Variants in TOGARAM2 observed in about 807,000 individuals in gnomAD.
The protein encoded by TOGARAM2 is TOG array regulator of axonemal microtubules 2.
A neutral mutation model predicts 93.3 loss-of-function variants in TOGARAM2; 85 were observed. The ratio of observed to expected loss-of-function variants is 0.91; its 90% CI spans 0.76 to 1.09. The LOEUF is 1.09. Among genes scored for constraint, TOGARAM2 ranks in the 50% least tolerant of loss-of-function variants. The pLI is 0.00. For synonymous variants in TOGARAM2, 593 were observed against 552.8 expected (o/e 1.07, Z -1.02); for missense variants, 1,277 against 1,334.5 (o/e 0.96, Z 0.67).
In TOGARAM2 at chr2:29,036,960, G is replaced by A. The variant is rs543916494; in HGVS notation, c.2635+203G>A. Among the ~76,000 whole-genome samples, 3 of 152,232 alleles carry A rather than the reference G, an allele frequency of 2.0e-5. No homozygotes were observed. The East Asian group carries it at 5.8e-4, about 29-fold the overall frequency. ...GTCACAGCCACCCACACCTCTGGAC[G>A]GCTGGAAGTGGAGGTGATGTGGAGA... On this transcript the variant is annotated intron_variant, in intron 18 of 19. Transcript: ENST00000379558.
chr2:29,036,283 T>C (rs767978322), intron 17 of TOGARAM2, among the ~76,000 whole-genome samples: 1 of 152,164 alleles, frequency 6.6e-6, no homozygotes, highest in Non-Finnish European at 1.5e-5. Context: ...TCAGTAAAAA[T>C]GATTGCACAG....
rs986731001 is a variant in TOGARAM2, at chr2:29,005,413, G to A, written c.830+1731G>A. Among the ~76,000 whole-genome samples the A allele has an allele frequency of 1.5e-3, 16 of 10,430 alleles. No homozygotes were observed. The Admixed American group carries it at 0.016, about 11-fold the overall frequency. 6.8% of individuals were successfully genotyped at this position (10,430 alleles called of 152,430 possible). A position where few individuals can be genotyped will look rare whatever the true frequency, so the allele number is the denominator to read the frequency against. On this transcript the variant is annotated intron_variant, in intron 6 of 19. Coordinates refer to ENST00000379558, the MANE Select transcript of TOGARAM2 (RefSeq NM_199280.4). ...GCATGTATGTGGAGTGTGTGTGTGC[G>A]TGTGTGAGAGCATGCATGTGCGTGA... is the stretch of plus-strand genomic sequence containing the variant.
intron 14 of TOGARAM2, among the ~76,000 whole-genome samples, chr2:29,027,950 C>G (rs1039982119): frequency 9.2e-5 from 14 of 152,120 alleles, no homozygotes; most frequent in African/African-American, 3.4e-4. Flanking sequence ...CAGAGACGTT[C>G]TCCTAGGCCA....
chr2:29,015,349 TC>T (rs1366440029), intron 8 of TOGARAM2, among the ~76,000 whole-genome samples: 1 of 152,054 alleles, frequency 6.6e-6, no homozygotes. Context: ...CTAAAGTGTG[TC>T]CCCCCACCAT....
intron 7 of TOGARAM2, 141 bp downstream of exon 7, chr2:29,011,642 T>C: frequency 1.2e-6 from 1 of 837,660 alleles, no homozygotes. Flanking sequence ...GAAGCTGAAG[T>C]CACCGGAGGT....
chr2:28,998,166 G>A lies in TOGARAM2; in HGVS notation c.52G>A (p.Val18Met), dbSNP rs754553490. 7 of 1,609,364 alleles carry A rather than the reference G, an allele frequency of 4.3e-6. No individual in the cohort carries two copies. In the East Asian group the frequency reaches 1.1e-4, roughly 26 times the overall value. The change falls in exon 3 of 20, where the codon GTG (valine) becomes ATG (methionine). Residue 18 changes from valine to methionine, a missense_variant. Val to Met is a conservative substitution (Grantham distance 21). Transcript: ENST00000379558. The stretch of plus-strand genomic sequence containing the variant: ...AGCCAAGGTCCTGGTCCCCGTGGCC[G>A]TGTACTGCGGGAGCATCCCTCGGAC... The part of the protein sequence containing the change: ...PEAKVLVPVA[V>M]YCGSIPRTSA...
intron 10 of TOGARAM2, among the ~76,000 whole-genome samples, chr2:29,020,121 A>G (rs1023842978): frequency 6.6e-6 from 1 of 152,116 alleles, no homozygotes; most frequent in African/African-American, 2.4e-5. Context: ...AGCACAATCT[A>G]AGCTGATCCC....
At chr2:28,980,861 A>G (rs943404559), upstream of TOGARAM2, among the ~76,000 whole-genome samples, 1 of 152,198 alleles carries the variant, frequency 6.6e-6, no homozygotes, top group African/African-American at 2.4e-5. Context: ...CCCATTTTAT[A>G]GATGAGGAAA....
intron 16 of TOGARAM2, among the ~76,000 whole-genome samples, chr2:29,033,915 C>G (rs1665930785): frequency 6.6e-6 from 1 of 152,068 alleles, no homozygotes; most frequent in East Asian, 1.9e-4. Flanking sequence ...GAGTGGCCAG[C>G]CTGGGACTAG....
At chr2:29,029,628 T>A (rs182572249) in intron 14 of TOGARAM2, among the ~76,000 whole-genome samples, 4 of 143,946 alleles carry the variant, frequency 2.8e-5, no homozygotes, top group Non-Finnish European at 4.7e-5. Context: ...TGGTGGCGGG[T>A]GCCTGTAGTC....
At chr2:29,006,080 C>CGT (rs199864056) in intron 6 of TOGARAM2, among the ~76,000 whole-genome samples, 60,575 of 126,024 alleles carry the variant, frequency 0.48, 14,100 homozygotes, top group Middle Eastern at 0.59. Flanking sequence ...TGTGAGAGCA[C>CGT]GTGTGTGTGT....
chr2:29,016,808 G>T (rs1664603800), intron 8 of TOGARAM2, among the ~76,000 whole-genome samples: 1 of 152,260 alleles, frequency 6.6e-6, no homozygotes, highest in South Asian at 2.1e-4. Flanking sequence ...CACTCCCTCT[G>T]CTTCAAACAC....
intron 6 of TOGARAM2, among the ~76,000 whole-genome samples, chr2:29,006,921 T>C (rs1663913615): frequency 6.6e-6 from 1 of 152,168 alleles, no homozygotes; most frequent in Non-Finnish European, 1.5e-5. Flanking sequence ...GCCTTTCCTC[T>C]TATCTCTTTA....
intron 14 of TOGARAM2, among the ~76,000 whole-genome samples, chr2:29,029,630 C>T (rs1407318324): frequency 2.0e-5 from 3 of 149,358 alleles, no homozygotes; most frequent in Non-Finnish European, 4.5e-5. Flanking sequence ...GTGGCGGGTG[C>T]CTGTAGTCCC....
intron 17 of TOGARAM2, 76 bp downstream of exon 17, chr2:29,035,732 T>G: frequency 1.6e-6 from 2 of 1,281,536 alleles, no homozygotes; most frequent in Non-Finnish European, 2.0e-6. Context: ...AAACTCTGAA[T>G]GGCGTTGGAC....
chr2:29,021,403 C>A (rs941469596), intron 10 of TOGARAM2, among the ~76,000 whole-genome samples: 3 of 152,114 alleles, frequency 2.0e-5, no homozygotes, highest in African/African-American at 7.2e-5. Flanking sequence ...ACAGAGGAGC[C>A]GAGGGGCTGT....
rs534450625 is a variant in TOGARAM2 at position 29,024,241 on chromosome 2, G to T, written c.1720G>T (p.Ala574Ser). 1.9e-6 allele frequency: 3 copies of T among 1,611,084 alleles called. No individual in the cohort carries two copies. The highest frequency in any genetic ancestry group is 2.5e-6 in the Non-Finnish European group (3 of 1,178,560). The part of the protein sequence containing the change: ...KNMDQEAEEI[A>S]RCLLQKMADT... ...TATGGACCAGGAGGCCGAGGAGATC[G>T]CCCGCTGCTTGCTGCAGAAGATGGC... The change falls in exon 13 of 20, where the codon GCC (alanine) becomes TCC (serine). Residue 574 changes from alanine (A) to serine (S), a missense_variant. Transcript: ENST00000379558.
intron 1 of TOGARAM2, chr2:28,970,854 C>G (rs1671939646): frequency 6.6e-6 from 1 of 152,238 alleles, no homozygotes. Context: ...TGGTAACTGT[C>G]ACCCAGGGGA....
intron 1 of TOGARAM2, among the ~76,000 whole-genome samples, chr2:28,957,001 T>A (rs1039488344): frequency 6.6e-6 from 1 of 151,906 alleles, no homozygotes; most frequent in Non-Finnish European, 1.5e-5. Context: ...GGAGGGCATC[T>A]GTAATCCCAG....
Sources: gnomAD v4.1 joint callset for allele counts (sites outside exome capture counted in the v4.1 genomes callset) on GRCh38, gnomAD v4.1.1 for gene constraint, MANE v1.5 for transcripts, NCBI Gene and HGNC (gene_info 2026-07-23, HGNC 2026-07-21) for gene names.